Variants in TNFRSF11A observed in about 807,000 individuals in gnomAD.
TNFRSF11A encodes the protein TNF receptor superfamily member 11a.
Under a neutral mutation model 55.7 loss-of-function variants are expected in TNFRSF11A, and 32 were observed. The ratio of observed to expected loss-of-function variants is 0.57; its 90% CI spans 0.43 to 0.77. The LOEUF (loss-of-function observed/expected upper bound fraction) is 0.77, where lower values mean the gene tolerates loss of function less well. Ranked by LOEUF, TNFRSF11A falls within the 30% of genes least tolerant of loss-of-function variation. TNFRSF11A has a pLI of 0.00. For synonymous variants in TNFRSF11A, 311 were observed against 331.0 expected (o/e 0.94, Z 0.65); for missense variants, 753 against 809.8 (o/e 0.93, Z 0.85).
intron 6 of TNFRSF11A, 127 bp from the exon 7 acceptor site, chr18:62,361,553 G>A (rs1909687040): frequency 1.1e-6 from 1 of 888,144 alleles, no homozygotes; most frequent in African/African-American, 1.6e-5. Flanking sequence ...CAAGGGTGGG[G>A]ACTGTCACTT....
intron 1 of TNFRSF11A, among the ~76,000 whole-genome samples, chr18:62,328,840 A>G (rs1053248093): frequency 4.6e-5 from 7 of 152,330 alleles, no homozygotes; most frequent in Non-Finnish European, 8.8e-5. Flanking sequence ...ACTTCCCCCT[A>G]AAATGGCAAA....
Position 62,354,490 on chromosome 18 carries a change from G to T in TNFRSF11A, c.383G>T (p.Arg128Leu). Residue 128 changes from arginine to leucine, a missense_variant, in exon 4 of 10, where the codon CGC (arginine) becomes CTC (leucine). Physicochemically the swap from Arg to Leu is moderately radical, Grantham distance 102. This residue lies in a region of TNFRSF11A where 30 missense variants were observed against 58.0 expected (regional missense o/e 0.52). Transcript: ENST00000586569. ...YHWSQDCECC[R>L]RNTECAPGLG... is the part of the protein sequence containing the mutation. ...TGGAGCCAGGACTGCGAGTGCTGCC[G>T]CCGCAACACCGAGTGCGCGCCGGGC... The T allele has an allele frequency of 6.2e-7, 1 of 1,602,168 alleles. No individual in the cohort carries two copies. Among genetic ancestry groups the T allele is most frequent in the South Asian group, 1.1e-5 (1 of 90,992 alleles).
At position 62,385,076 on chromosome 18, in the gene TNFRSF11A, TCGCGAGGGCAGCACC is replaced by T. The variant is rs1911622299; in HGVS notation, c.*43_*57del. The T allele has an allele frequency of 7.0e-7, 1 of 1,435,406 alleles. No homozygotes were observed. Among genetic ancestry groups the T allele is most frequent in the African/African-American group, 1.5e-5 (1 of 66,604 alleles). The allele number at this position is 1,435,406 out of a possible 1,614,324, so 88.9% of individuals were successfully genotyped here. A position where few individuals can be genotyped will look rare whatever the true frequency, so the allele number is the denominator to read the frequency against. On this transcript the variant is annotated 3_prime_UTR_variant, in exon 10 of 10. Coordinates refer to ENST00000586569, the MANE Select transcript of TNFRSF11A (RefSeq NM_003839.4). Reference sequence around the variant, plus strand: ...GGAGCCCGAAGCTCGGAGCCAGGGCTCGCGAGGGCAGCACCGCAGCCTCTGCCCCAGCCCCGGCCA... The same window carrying T: ...GGAGCCCGAAGCTCGGAGCCAGGGCTGCAGCCTCTGCCCCAGCCCCGGCCA...
chr18:62,354,276 A>T, intron 3 of TNFRSF11A, 115 bp from the exon 4 acceptor site: 2 of 1,333,618 alleles, frequency 1.5e-6, no homozygotes, highest in Non-Finnish European at 2.0e-6. Flanking sequence ...TTCACTCTGC[A>T]GGCCTGCCAG....
chr18:62,355,457 G>A (rs8087163), intron 4 of TNFRSF11A, among the ~76,000 whole-genome samples: 104,338 of 151,848 alleles, frequency 0.69, 36,071 homozygotes, highest in African/African-American at 0.71. Context: ...TTGTATTTTT[G>A]GTAGAGATGG....
chr18:62,355,997 G>A (rs1270168816), intron 4 of TNFRSF11A, among the ~76,000 whole-genome samples: 4 of 152,136 alleles, frequency 2.6e-5, no homozygotes, highest in Non-Finnish European at 5.9e-5. Context: ...TATTTTTAAC[G>A]CTCTATCAGT....
intron 9 of TNFRSF11A, among the ~76,000 whole-genome samples, chr18:62,376,531 A>G (rs1359954821): frequency 6.6e-6 from 1 of 151,962 alleles, no homozygotes; most frequent in Non-Finnish European, 1.5e-5. Flanking sequence ...TTTCCTATAT[A>G]CCTCCTGCCC....
At position 62,369,176 on chromosome 18, in the gene TNFRSF11A, A is replaced by C. The variant is rs1029913594; in HGVS notation, c.1259A>C (p.Asn420Thr). 4.3e-6 allele frequency: 7 copies of C among 1,613,970 alleles called. No individual in the cohort carries two copies. The highest frequency in any genetic ancestry group is 5.9e-6 in the Non-Finnish European group (7 of 1,180,056). ...RTDWTPMSSE[N>T]YLQKEVDSGH... ...GATTGGACTCCCATGTCCTCTGAAAACTACTTGCAAAAAGAGGTGGACAGT... is the reference window on the plus strand; with the variant it reads ...GATTGGACTCCCATGTCCTCTGAAACCTACTTGCAAAAAGAGGTGGACAGT... Residue 420 changes from asparagine (N) to threonine (T), a missense_variant, in exon 9 of 10, where the codon AAC becomes ACC. Physicochemically the swap from Asn to Thr is moderately conservative, Grantham distance 65 (BLOSUM62 0). This residue lies in a region of TNFRSF11A where 567 missense variants were observed against 596.7 expected (regional missense o/e 0.95). Coordinates refer to ENST00000586569, the MANE Select transcript of TNFRSF11A (RefSeq NM_003839.4).
chr18:62,340,579 CAT>C, intron 1 of TNFRSF11A, among the ~76,000 whole-genome samples: 1 of 151,744 alleles, frequency 6.6e-6, no homozygotes, highest in Non-Finnish European at 1.5e-5. Context: ...CACATATTTT[CAT>C]ATTGTACAAA....
chr18:62,367,858 A>G (rs534524840), intron 8 of TNFRSF11A, among the ~76,000 whole-genome samples: 1 of 138,960 alleles, frequency 7.2e-6, no homozygotes, highest in East Asian at 2.0e-4. Context: ...CAATGGCGCA[A>G]TCTCGGCTCA....
chr18:62,358,750 G>A (rs1909456134), intron 5 of TNFRSF11A, among the ~76,000 whole-genome samples: 1 of 152,124 alleles, frequency 6.6e-6, no homozygotes, highest in Non-Finnish European at 1.5e-5. Flanking sequence ...TTTGCATGCT[G>A]TCAACATCGT....
chr18:62,359,833 G>A, intron 5 of TNFRSF11A, 122 bp from the exon 6 acceptor site: 2 of 808,904 alleles, frequency 2.5e-6, no homozygotes, highest in East Asian at 5.2e-5. Context: ...GGATTCAAAT[G>A]TCCAAGAAGG....
intron 1 of TNFRSF11A, chr18:62,336,818 T>A (rs2046240868): frequency 6.6e-6 from 1 of 152,244 alleles, no homozygotes; most frequent in Non-Finnish European, 1.5e-5. Context: ...ACACTTGCAA[T>A]TAAAGTTTTG....
At chr18:62,358,425 C>T (rs939427488) in intron 5 of TNFRSF11A, 84 bp downstream of exon 5, 9 of 1,344,380 alleles carry the variant, frequency 6.7e-6, no homozygotes, top group Middle Eastern at 3.6e-4. Context: ...TGAAAACGGA[C>T]GGATTCTGTT....
chr18:62,384,785 C>T lies in TNFRSF11A; in HGVS notation c.1602C>T (p.Ile534=). ...CTGGAAACAGTAACTCCACGTTCAT[C>T]TCCAGCGGGCAGGTGATGAACTTCA... The part of the protein sequence containing the change: ...NVTGNSNSTF[I]SSGQVMNFKG... The change falls in exon 10 of 10, where the codon ATC becomes ATT. Residue 534 remains isoleucine (I), a synonymous_variant. Transcript: ENST00000586569. The T allele has an allele frequency of 6.2e-7, 1 of 1,612,734 alleles. No homozygotes were observed. The highest frequency in any genetic ancestry group is 2.2e-5 in the East Asian group (1 of 44,826).
At position 62,369,341 on chromosome 18, in the gene TNFRSF11A, G is replaced by T; in HGVS notation, c.1424G>T (p.Gly475Val). The T allele has an allele frequency of 6.2e-7, 1 of 1,610,064 alleles. No homozygotes were observed. Reference protein sequence around the residue: ...KRGPLPQCAYGMGLPPEEEAS... With the variant: ...KRGPLPQCAYVMGLPPEEEAS... The stretch of plus-strand genomic sequence containing the variant: ...GGACCCTTGCCCCAGTGCGCCTATG[G>T]CATGGGCCTTCCCCCTGAAGAAGAA... Residue 475 changes from glycine to valine, a missense_variant, in exon 9 of 10, where the codon GGC (glycine) becomes GTC (valine). By Grantham distance (109) the Gly-to-Val change is moderately radical. Around this residue, in one of 3 missense-constraint regions of TNFRSF11A, gnomAD observed 567 missense variants for 596.7 expected, o/e 0.95. Transcript: ENST00000586569.
At chr18:62,365,945 G>A (rs1305568738) in intron 7 of TNFRSF11A, among the ~76,000 whole-genome samples, 1 of 152,128 alleles carries the variant, frequency 6.6e-6, no homozygotes, top group African/African-American at 2.4e-5. Flanking sequence ...AGCCTCCCAA[G>A]TAGCTGGGAT....
intron 1 of TNFRSF11A, among the ~76,000 whole-genome samples, chr18:62,337,308 A>G (rs894227215): frequency 1.3e-4 from 20 of 152,332 alleles, no homozygotes; most frequent in African/African-American, 4.8e-4. Flanking sequence ...ATCTAGTGGC[A>G]AAGGTGGTAA....
At chr18:62,381,152 A>C (rs565651612) in intron 9 of TNFRSF11A, among the ~76,000 whole-genome samples, 34 of 152,320 alleles carry the variant, frequency 2.2e-4, no homozygotes, top group African/African-American at 7.5e-4. Flanking sequence ...AGGATTCTGA[A>C]ATGTTTAGAT....
Sources: allele counts gnomAD v4.1 joint callset (sites outside exome capture counted in the v4.1 genomes callset), GRCh38; gene constraint gnomAD v4.1.1; regional missense constraint gnomAD v4.1.1; transcripts MANE v1.5; gene names NCBI Gene and HGNC (gene_info 2026-07-23, HGNC 2026-07-21).